Variants in APPL2 observed in about 807,000 individuals in gnomAD.
APPL2 encodes the protein adaptor protein, phosphotyrosine interacting with PH domain and leucine zipper 2.
A neutral mutation model predicts 92.7 loss-of-function variants in APPL2; 84 were observed. That is an observed-to-expected ratio of 0.91 (90% CI 0.76 to 1.09). The LOEUF (loss-of-function observed/expected upper bound fraction) is 1.09, where lower values mean the gene tolerates loss of function less well. APPL2 is among the 50% of genes least tolerant of loss of function. The pLI, the probability that APPL2 is intolerant of heterozygous loss-of-function variation, is 0.00. For synonymous variants in APPL2, 291 were observed against 291.0 expected (o/e 1.00, Z 0.00); for missense variants, 736 against 824.5 (o/e 0.89, Z 1.31).
rs572999270 is a variant in APPL2, at chr12:105,183,604, T to C, written c.1634+4669A>G. On this transcript the variant is annotated intron_variant, in intron 17 of 20. Transcript: ENST00000258530. The stretch of plus-strand genomic sequence containing the variant: ...TGTGCCCCCACTCTTTTCTGGGTTG[T>C]AGCGTTTCTGCAGAGAGATCCGCCG... Among the ~76,000 whole-genome samples the C allele has an allele frequency of 5.9e-5, 9 of 152,370 alleles. No homozygotes were observed. The South Asian group carries it at 6.2e-4, about 11-fold the overall frequency.
rs769011584 is a variant in APPL2, at chr12:105,176,903, AATGT to A, written c.1781_1784del (p.Tyr594PhefsTer34). 1.9e-6 allele frequency: 3 copies of A among 1,614,112 alleles called. No homozygotes were observed. Among genetic ancestry groups the A allele is most frequent in the South Asian group, 2.2e-5 (2 of 91,080 alleles). ...TTTCGCCTTCTGAGTTGCTTTCAAA[AATGT>A]ATGTACTCAGAGATTCTTCTCCAGT... On this transcript the variant is annotated frameshift_variant, in exon 19 of 21. Transcript: ENST00000258530. LOFTEE classifies it high-confidence loss of function.
At position 105,174,089 on chromosome 12, in the gene APPL2, G is replaced by C; in HGVS notation, c.*225C>G. 1 of 449,098 alleles carries C rather than the reference G, an allele frequency of 2.2e-6. No homozygotes were observed. Among genetic ancestry groups the C allele is most frequent in the South Asian group, 4.6e-5 (1 of 21,508 alleles). 27.8% of individuals were successfully genotyped at this position (449,098 alleles called of 1,614,324 possible). A position where few individuals can be genotyped will look rare whatever the true frequency, so the allele number is the denominator to read the frequency against. On this transcript the variant is annotated 3_prime_UTR_variant, in exon 21 of 21. Coordinates refer to ENST00000258530, the MANE Select transcript of APPL2 (RefSeq NM_018171.5). ...AATTTTAGCGCAATCTAAGAAAAAA[G>C]ACTTACCACAAAGCACCTAAAATAA... is the stretch of plus-strand genomic sequence containing the variant.
intron 8 of APPL2, among the ~76,000 whole-genome samples, chr12:105,206,444 C>T (rs1035506520): frequency 1.3e-5 from 2 of 152,208 alleles, no homozygotes; most frequent in Non-Finnish European, 2.9e-5. Flanking sequence ...ATCAGCCTCA[C>T]ACTCACGGTC....
intron 4 of APPL2, among the ~76,000 whole-genome samples, chr12:105,214,711 A>G (rs1411754697): frequency 1.3e-5 from 2 of 152,124 alleles, no homozygotes; most frequent in East Asian, 3.9e-4. Context: ...AATCCTTTGG[A>G]ATTTCCTGGA....
rs772583347 is a variant in APPL2 at position 105,176,154 on chromosome 12, G to T, written c.1813-72C>A. 5.8e-6 allele frequency: 8 copies of T among 1,370,674 alleles called. No individual in the cohort carries two copies. The Admixed American group carries it at 9.5e-5, about 16-fold the overall frequency. The allele number at this position is 1,370,674 out of a possible 1,614,324, so 84.9% of individuals were successfully genotyped here. A position where few individuals can be genotyped will look rare whatever the true frequency, so the allele number is the denominator to read the frequency against. ...AAAATTTTAGAACAAATGTGATTTGGGAGTACAGTGAGGTCACTGTTCTCA... is the reference window on the plus strand; with the variant it reads ...AAAATTTTAGAACAAATGTGATTTGTGAGTACAGTGAGGTCACTGTTCTCA... On this transcript the variant is annotated intron_variant, in intron 19 of 20. Transcript: ENST00000258530.
chr12:105,179,661 A>G (rs1885916129), intron 17 of APPL2, among the ~76,000 whole-genome samples: 1 of 152,166 alleles, frequency 6.6e-6, no homozygotes, highest in Admixed American at 6.5e-5. Flanking sequence ...CTGACTTTTT[A>G]ATGATCGCCA....
intron 1 of APPL2, among the ~76,000 whole-genome samples, chr12:105,230,782 G>A (rs574181354): frequency 1.3e-4 from 20 of 152,212 alleles, no homozygotes; most frequent in Middle Eastern, 3.4e-3. Flanking sequence ...CCAGTCTTCC[G>A]GGCTAAAAAC....
rs1888778235 is a variant in APPL2, at chr12:105,207,159, GCTGCTTCC to G, written c.515_522del (p.Arg172ProfsTer35). The stretch of plus-strand genomic sequence containing the variant: ...CAGTAGTACTGAAGGGAGGAGAGGT[GCTGCTTCC>G]GCCGGGCCGCGGCCACCTCTTTTCC... On this transcript the variant is annotated frameshift_variant, in exon 8 of 21. Coordinates refer to ENST00000258530, the MANE Select transcript of APPL2 (RefSeq NM_018171.5). LOFTEE classifies it high-confidence loss of function. 6.2e-7 allele frequency: 1 copy of G among 1,613,972 alleles called. No homozygotes were observed. Among genetic ancestry groups the G allele is most frequent in the Non-Finnish European group, 8.5e-7 (1 of 1,180,040 alleles).
At chr12:105,195,193 A>T in intron 14 of APPL2, 68 bp downstream of exon 14, 17 of 1,473,426 alleles carry the variant, frequency 1.2e-5, no homozygotes, top group Non-Finnish European at 1.5e-5. Flanking sequence ...TTAAGCAACA[A>T]CTCATTTCGT....
At chr12:105,189,728 T>C in intron 16 of APPL2, 44 bp downstream of exon 16, 1 of 1,582,806 alleles carries the variant, frequency 6.3e-7, no homozygotes, top group Non-Finnish European at 8.7e-7. Flanking sequence ...GCCGTTGTCA[T>C]TTTGTGCAGA....
At chr12:105,192,971 C>G (rs571172621) in intron 14 of APPL2, among the ~76,000 whole-genome samples, 2 of 152,200 alleles carry the variant, frequency 1.3e-5, no homozygotes, top group Admixed American at 6.5e-5. Flanking sequence ...TTTCCCCCCC[C>G]ACTGTCATCA....
intron 10 of APPL2, 97 bp from the exon 11 acceptor site, chr12:105,198,050 G>T: frequency 1.6e-6 from 2 of 1,214,710 alleles, no homozygotes; most frequent in South Asian, 1.5e-5. Context: ...TGGCATTTTA[G>T]AAATAATGTG....
At position 105,235,955 on chromosome 12, in the gene APPL2, G is replaced by T; in HGVS notation, c.54+4C>A. On this transcript the variant is annotated splice_donor_region_variant and intron_variant, in intron 1 of 20. Transcript: ENST00000258530. ...GCGAGGGGCACCGGAGCGGCGGGAG[G>T]TACCTGGGGGCTGTCCTGCAACGCC... is the stretch of plus-strand genomic sequence containing the variant. 1 of 1,246,440 alleles carries T rather than the reference G, an allele frequency of 8.0e-7. No individual in the cohort carries two copies. Among genetic ancestry groups the T allele is most frequent in the South Asian group, 3.7e-5 (1 of 27,110 alleles). The allele number at this position is 1,246,440 out of a possible 1,614,324, so 77.2% of individuals were successfully genotyped here.
intron 2 of APPL2, among the ~76,000 whole-genome samples, chr12:105,221,159 G>A (rs1420429656): frequency 2.6e-5 from 4 of 152,264 alleles, no homozygotes; most frequent in Admixed American, 6.5e-5. Context: ...ATTAATCCAC[G>A]CCCTGTGCCC....
At chr12:105,211,099 C>A (rs868616204) in intron 5 of APPL2, 131 bp downstream of exon 5, 3 of 654,848 alleles carry the variant, frequency 4.6e-6, no homozygotes, top group Middle Eastern at 7.7e-4. Context: ...TAAAAGTTCA[C>A]TGAATTGAAC....
At position 105,199,531 on chromosome 12, in the gene APPL2, G is replaced by A. The variant is rs1446074899; in HGVS notation, c.705C>T (p.Ser235=). 7 of 1,613,158 alleles carry A rather than the reference G, an allele frequency of 4.3e-6. No individual in the cohort carries two copies. In the African/African-American group the frequency reaches 9.3e-5, roughly 22 times the overall value. Residue 235 remains serine (S), a splice_region_variant and synonymous_variant, in exon 10 of 21, where the codon AGC becomes AGT. Coordinates refer to ENST00000258530, the MANE Select transcript of APPL2 (RefSeq NM_018171.5). ...FLSSVADMVQ[S]IQVELEAEAE... Reference sequence around the variant, plus strand: ...CCTCGGCTTCCAGTTCTACCTGAATGCTTAAGACAGAAGGTGTTGGGTCAG... The same window carrying A: ...CCTCGGCTTCCAGTTCTACCTGAATACTTAAGACAGAAGGTGTTGGGTCAG...
At chr12:105,183,159 T>G (rs969675919) in intron 17 of APPL2, among the ~76,000 whole-genome samples, 53 of 148,632 alleles carry the variant, frequency 3.6e-4, no homozygotes, top group Middle Eastern at 3.5e-3. Context: ...TCTCTGCACA[T>G]GAGATGGGTC....
At chr12:105,195,762 T>C (rs951916466) in intron 11 of APPL2, 135 bp from the exon 12 acceptor site, 30 of 992,778 alleles carry the variant, frequency 3.0e-5, no homozygotes, top group Non-Finnish European at 4.5e-5. Context: ...GGAAAGAAAA[T>C]GGGGTTCCAG....
chr12:105,207,232 T>A, intron 7 of APPL2, 25 bp from the exon 8 acceptor site: 1 of 1,605,360 alleles, frequency 6.2e-7, no homozygotes, highest in South Asian at 1.1e-5. Context: ...AAAGGAAAAC[T>A]TCAAGTTGTC....
Sources: allele counts gnomAD v4.1 joint callset (sites outside exome capture counted in the v4.1 genomes callset), GRCh38; gene constraint gnomAD v4.1.1; transcripts MANE v1.5; gene names NCBI Gene and HGNC (gene_info 2026-07-23, HGNC 2026-07-21).